PFKFB2: variants seen among roughly 807,000 people sequenced by gnomAD.
PFKFB2 encodes the protein 6-phosphofructo-2-kinase/fructose-2,6-bisphosphatase 2.
PFKFB2 carries 53 observed loss-of-function variants against 68.0 expected under a neutral mutation model. The ratio of observed to expected loss-of-function variants is 0.78; its 90% CI spans 0.63 to 0.98. PFKFB2 has a LOEUF of 0.98. PFKFB2 is among the 50% of genes least tolerant of loss of function. The pLI, the probability that PFKFB2 is intolerant of heterozygous loss-of-function variation, is 0.00. For synonymous variants in PFKFB2, 222 were observed against 227.6 expected, an observed-to-expected ratio of 0.98 and a Z score of 0.22; for missense variants, 451 against 642.0, an observed-to-expected ratio of 0.70 and a Z score of 3.22.
At chr1:207,066,488 TA>T (rs1472097188) in intron 8 of PFKFB2, among the ~76,000 whole-genome samples, 1 of 152,234 alleles carries the variant, frequency 6.6e-6, no homozygotes, top group Non-Finnish European at 1.5e-5. Context: ...AGATATGGCA[TA>T]AAAGTATTCT....
At chr1:207,046,606 G>C (rs914314312) in intron 2 of PFKFB2, 12 of 152,066 alleles carry the variant, frequency 7.9e-5, no homozygotes, top group Non-Finnish European at 1.8e-4. Flanking sequence ...CAGAGTATCA[G>C]TGTCCAACCG....
chr1:207,063,888 G>GGGGGGGGTGTGTGTGTGT lies in PFKFB2; in HGVS notation c.507+60_507+61insGGGGGGTGTGTGTGTGTG. On this transcript the variant is annotated intron_variant, in intron 7 of 14. Coordinates refer to ENST00000367080, the MANE Select transcript of PFKFB2 (RefSeq NM_006212.2). The surrounding 1 kb of genome is among the most constrained non-coding windows in gnomAD (Gnocchi z 4.1). ...ACCTTTTGTGCTGTGTGTGTTGTGG[G>GGGGGGGGTGTGTGTGTGT]GTGTGTGTGTGTGTGTGTGTGTGTG... The GGGGGGGGTGTGTGTGTGT allele has an allele frequency of 9.8e-7, 1 of 1,015,392 alleles. No homozygotes were observed. 62.9% of individuals were successfully genotyped at this position (1,015,392 alleles called of 1,614,324 possible).
At chr1:207,065,308 G>T in intron 8 of PFKFB2, 148 bp downstream of exon 8, 1 of 1,433,160 alleles carries the variant, frequency 7.0e-7, no homozygotes, top group East Asian at 2.4e-5. Flanking sequence ...TGGATTTGTG[G>T]CTTTTATGTG....
chr1:207,046,777 T>C (rs533100787), intron 2 of PFKFB2: 1 of 152,240 alleles, frequency 6.6e-6, no homozygotes, highest in East Asian at 1.9e-4. Context: ...TTACCCACTG[T>C]AGAAAATATA....
rs150533135 is a variant in PFKFB2, at chr1:207,070,956, C to A, written c.1223-232C>A. ...TCCATTGGGCTCTCTGGCTACAATA[C>A]TTCCTGTTTTTGCCTGCGTGGAAGG... is the stretch of plus-strand genomic sequence containing the variant. On this transcript the variant is annotated intron_variant, in intron 12 of 14. Coordinates refer to ENST00000367080, the MANE Select transcript of PFKFB2 (RefSeq NM_006212.2). The surrounding 1 kb of genome is among the most constrained non-coding windows in gnomAD (Gnocchi z 4.2). Among the ~76,000 whole-genome samples the A allele has an allele frequency of 3.4e-3, 514 of 152,240 alleles. No individual in the cohort carries two copies. Among genetic ancestry groups the A allele is most frequent in the African/African-American group, 0.011 (451 of 41,538 alleles).
intron 1 of PFKFB2, among the ~76,000 whole-genome samples, chr1:207,040,360 A>G (rs1682453468): frequency 6.6e-6 from 1 of 152,222 alleles, no homozygotes; most frequent in Admixed American, 6.5e-5. Context: ...TCACTAATGA[A>G]GTCCTCCAAG....
At chr1:207,052,107 C>A, upstream of PFKFB2, 1 of 1,271,732 alleles carries the variant, frequency 7.9e-7, no homozygotes, top group South Asian at 1.2e-5. Flanking sequence ...TCCCACTTGC[C>A]AAGAGTGGGT....
Position 207,062,082 on chromosome 1 carries a change from A to G in PFKFB2, c.211+4A>G, listed in dbSNP as rs1439212291. 5.6e-6 allele frequency: 9 copies of G among 1,614,016 alleles called. No individual in the cohort carries two copies. The highest frequency in any genetic ancestry group is 1.3e-5 in the African/African-American group (1 of 74,920). The stretch of plus-strand genomic sequence containing the variant: ...TGGATTGGAGTCCCCACCAAAGGTA[A>G]GTGTGGCTCATTCCCTAGGAAAGAC... On this transcript the variant is annotated splice_donor_region_variant and intron_variant, in intron 3 of 14. Coordinates refer to ENST00000367080, the MANE Select transcript of PFKFB2 (RefSeq NM_006212.2).
downstream of PFKFB2, chr1:207,079,574 T>G (rs140502878): frequency 2.2e-3 from 341 of 153,180 alleles, no homozygotes; most frequent in East Asian, 0.018. Flanking sequence ...TTCTCTGCCT[T>G]GATAGAAGAA....
chr1:207,061,173 A>ATC (rs1423603779), intron 2 of PFKFB2, among the ~76,000 whole-genome samples: 31 of 64,110 alleles, frequency 4.8e-4, no homozygotes, highest in Non-Finnish European at 6.9e-4. Flanking sequence ...CTTTATATAT[A>ATC]TATATATATA....
At chr1:207,037,140 G>A (rs990117008) in intron 1 of PFKFB2, among the ~76,000 whole-genome samples, 15 of 152,126 alleles carry the variant, frequency 9.9e-5, no homozygotes, top group Non-Finnish European at 2.1e-4. Context: ...TCATGCTAAG[G>A]TCATCAATGA....
intron 7 of PFKFB2, among the ~76,000 whole-genome samples, chr1:207,064,685 G>A (rs1487750940): frequency 6.6e-6 from 1 of 152,178 alleles, no homozygotes; most frequent in Non-Finnish European, 1.5e-5. Flanking sequence ...CAGGCACTGG[G>A]GTCATGCACC....
Position 207,054,705 on chromosome 1 carries a change from C to G in PFKFB2, c.-13C>G, listed in dbSNP as rs1369645992. On this transcript the variant is annotated 5_prime_UTR_variant, in exon 2 of 15. In the 5' UTR this introduces an upstream ATG that the reference lacks. Transcript: ENST00000367080. ...CATTCTACTTCTCTGTTTCAGACAT[C>G]TGAAGAGCTGCCATGTCTGGGGCAT... 6.2e-7 allele frequency: 1 copy of G among 1,604,480 alleles called. No individual in the cohort carries two copies. The highest frequency in any genetic ancestry group is 8.5e-7 in the Non-Finnish European group (1 of 1,171,822).
intron 2 of PFKFB2, among the ~76,000 whole-genome samples, chr1:207,061,479 T>A (rs1002787324): frequency 1.5e-4 from 23 of 152,116 alleles, no homozygotes; most frequent in Admixed American, 1.2e-3. Flanking sequence ...TCAGGAGGCC[T>A]GCCTGATATC....
downstream of PFKFB2, chr1:207,079,028 A>T: frequency 1.2e-6 from 2 of 1,604,888 alleles, no homozygotes; most frequent in South Asian, 1.1e-5. Context: ...AATGATGTGG[A>T]TGTTCAGGCC....
In PFKFB2 at chr1:207,063,403, T is replaced by C. The variant is rs1304047216; in HGVS notation, c.432T>C (p.Ala144=). The change falls in exon 6 of 15, where the codon GCT becomes GCC. Residue 144 remains alanine (A), a synonymous_variant. Coordinates refer to ENST00000367080, the MANE Select transcript of PFKFB2 (RefSeq NM_006212.2). The surrounding 1 kb of genome is among the most constrained non-coding windows in gnomAD (Gnocchi z 4.1). ...GGAGGGACATGATTTTGAACTTTGC[T>C]GAACAGAATTCCTTCAAGGTAGGAT... ...RERRDMILNF[A]EQNSFKVFFV... 9.9e-6 allele frequency: 16 copies of C among 1,613,132 alleles called. No homozygotes were observed. The highest frequency in any genetic ancestry group is 1.3e-5 in the Non-Finnish European group (15 of 1,179,204).
At chr1:207,038,656 C>T (rs1441955107) in intron 1 of PFKFB2, among the ~76,000 whole-genome samples, 1 of 152,086 alleles carries the variant, frequency 6.6e-6, no homozygotes, top group Non-Finnish European at 1.5e-5. Context: ...ATTCTCCCAC[C>T]CAATTATTCT....
At chr1:207,066,611 C>T (rs1354335522) in intron 8 of PFKFB2, among the ~76,000 whole-genome samples, 1 of 151,952 alleles carries the variant, frequency 6.6e-6, no homozygotes, top group Non-Finnish European at 1.5e-5. Flanking sequence ...GATTTGCATC[C>T]TTCCATCATT....
In PFKFB2 at chr1:207,073,417, C is replaced by T. The variant is rs1683526638; in HGVS notation, c.*1046C>T. ...AAGGGCAGTTAGATTCAGGAGTCAC[C>T]ACTGATGTTTGAGTTGCTCAAGGCA... is the stretch of plus-strand genomic sequence containing the variant. On this transcript the variant is annotated 3_prime_UTR_variant, in exon 15 of 15. Transcript: ENST00000367080. 1.0e-6 allele frequency: 1 copy of T among 985,250 alleles called. No individual in the cohort carries two copies. The highest frequency in any genetic ancestry group is 1.2e-6 in the Non-Finnish European group (1 of 829,886). The allele number at this position is 985,250 out of a possible 1,614,324, so 61.0% of individuals were successfully genotyped here.
Sources: allele counts gnomAD v4.1 joint callset (sites outside exome capture counted in the v4.1 genomes callset), GRCh38; gene constraint gnomAD v4.1.1; non-coding constraint Gnocchi (gnomAD v3.1); transcripts MANE v1.5; gene names NCBI Gene and HGNC (gene_info 2026-07-23, HGNC 2026-07-21).